The following RFC3 variants were observed in gnomAD, a reference collection of about 807,000 sequenced individuals.
RFC3 encodes the protein replication factor C subunit 3, also known as A1 38 kDa subunit.
A neutral mutation model predicts 45.1 loss-of-function variants in RFC3; 41 were observed. That is an observed-to-expected ratio of 0.91 (90% CI 0.71 to 1.18). The LOEUF (loss-of-function observed/expected upper bound fraction) is 1.18, where lower values mean the gene tolerates loss of function less well. Among genes scored for constraint, RFC3 ranks in the 50% most tolerant of loss-of-function variants. The pLI is 0.00. For synonymous variants in RFC3, 149 were observed against 144.0 expected (o/e 1.03, Z -0.25); for missense variants, 423 against 428.1 (o/e 0.99, Z 0.10).
chr13:33,865,022 A>C (rs886215070), intron 8 of RFC3, among the ~76,000 whole-genome samples: 2 of 152,180 alleles, frequency 1.3e-5, no homozygotes, highest in African/African-American at 4.8e-5. Context: ...AAGAAGAAAG[A>C]GAACAAAATT....
Position 33,925,033 on chromosome 13 carries a change from T to C in RFC3, c.880-41054T>C, listed in dbSNP as rs138037547. On this transcript the variant is annotated intron_variant, in intron 8 of 8. Transcript: ENST00000434425. The stretch of plus-strand genomic sequence containing the variant: ...GTAATCATTTCACTATATATATACA[T>C]ATATATAGTGTACATATATATATAC... Among the ~76,000 whole-genome samples the C allele has an allele frequency of 9.9e-3, 1,475 of 149,430 alleles. 48 individuals are homozygous for C. The East Asian group carries it at 0.11, about 11-fold the overall frequency.
intron 8 of RFC3, among the ~76,000 whole-genome samples, chr13:33,963,975 C>T (rs989796413): frequency 1.4e-4 from 21 of 152,068 alleles, no homozygotes; most frequent in African/African-American, 4.6e-4. Context: ...TGTCCTCTGC[C>T]CTCCGCCTTC....
intron 8 of RFC3, among the ~76,000 whole-genome samples, chr13:33,878,739 C>G (rs182178028): frequency 2.0e-5 from 3 of 152,230 alleles, no homozygotes; most frequent in Admixed American, 2.0e-4. Context: ...AAAAACTGAC[C>G]AAGAAATTGT....
chr13:33,942,323 TA>T (rs983132917), intron 8 of RFC3, among the ~76,000 whole-genome samples: 18 of 152,160 alleles, frequency 1.2e-4, no homozygotes, highest in African/African-American at 4.1e-4. Flanking sequence ...TATTAATTTT[TA>T]TTTTTAATTC....
At chr13:33,883,204 G>A (rs1052893526) in intron 8 of RFC3, among the ~76,000 whole-genome samples, 9 of 152,286 alleles carry the variant, frequency 5.9e-5, no homozygotes, top group African/African-American at 2.2e-4. Flanking sequence ...ATCTTAAAAT[G>A]ACCCTGCAAA....
intron 8 of RFC3, among the ~76,000 whole-genome samples, chr13:33,928,923 G>T (rs1175622402): frequency 6.6e-6 from 1 of 152,078 alleles, no homozygotes; most frequent in African/African-American, 2.4e-5. Context: ...CCCACCTTTG[G>T]CCCTGATCTG....
chr13:33,850,996 A>C (rs2082273067), intron 8 of RFC3, among the ~76,000 whole-genome samples: 1 of 152,188 alleles, frequency 6.6e-6, no homozygotes, highest in Admixed American at 6.6e-5. Context: ...ATAAAACTTA[A>C]ATTTACTAAT....
In RFC3 at chr13:33,818,183, G is replaced by T. The variant is rs769916582; in HGVS notation, c.5G>T (p.Ser2Ile). The T allele has an allele frequency of 1.1e-5, 18 of 1,613,188 alleles. No individual in the cohort carries two copies. The Admixed American group carries it at 2.0e-4, about 18-fold the overall frequency. Residue 2 changes from serine to isoleucine, a missense_variant, in exon 1 of 9, where the codon AGC becomes ATC. By Grantham distance (142) the Ser-to-Ile change is moderately radical. Transcript: ENST00000380071. The part of the protein sequence containing the change: M[S>I]LWVDKYRPCS... Reference sequence around the variant, plus strand: ...CCCCCGGGAACTCGAGCTGCCATGAGCCTCTGGGTGGACAAGTATCGGCCC... The same window carrying T: ...CCCCCGGGAACTCGAGCTGCCATGATCCTCTGGGTGGACAAGTATCGGCCC...
intron 2 of RFC3, among the ~76,000 whole-genome samples, chr13:33,823,247 GTATTA>G (rs2082019712): frequency 6.6e-6 from 1 of 152,082 alleles, no homozygotes; most frequent in Non-Finnish European, 1.5e-5. Flanking sequence ...ACACACACAT[GTATTA>G]TATTAAAGTT....
rs866757557 is a variant in RFC3, at chr13:33,944,762, A to C, written c.880-21325A>C. On this transcript the variant is annotated intron_variant, in intron 8 of 8. Transcript: ENST00000434425. Reference sequence around the variant, plus strand: ...TGTATTGCCCCACCCACACGCACACACTCAAATTTCCACATATTCCTTTCT... The same window carrying C: ...TGTATTGCCCCACCCACACGCACACCCTCAAATTTCCACATATTCCTTTCT... 6.6e-5 allele frequency among the ~76,000 whole-genome samples: 10 copies of C among 152,214 alleles called. No homozygotes were observed. In the South Asian group the frequency reaches 1.0e-3, roughly 16 times the overall value.
chr13:33,825,474 TATTA>T (rs946213789), intron 3 of RFC3, among the ~76,000 whole-genome samples: 2 of 152,180 alleles, frequency 1.3e-5, no homozygotes, highest in African/African-American at 4.8e-5. Context: ...TATAATTAGG[TATTA>T]ATTTTCTATA....
exon 9 of RFC3, chr13:33,966,402 A>T: frequency 2.2e-6 from 1 of 460,804 alleles, no homozygotes; most frequent in Non-Finnish European, 3.9e-6. Context: ...TCTTTCTCAG[A>T]GGACAATAAA....
intron 8 of RFC3, among the ~76,000 whole-genome samples, chr13:33,891,744 T>C (rs1176688660): frequency 6.6e-6 from 1 of 152,204 alleles, no homozygotes; most frequent in East Asian, 1.9e-4. Flanking sequence ...CCAGATGCTC[T>C]ACTTCTACAA....
chr13:33,836,269 G>A lies in RFC3; in HGVS notation c.1045G>A (p.Asp349Asn), dbSNP rs1384393507. ...FMALYKKFMEDGLEGMMF is the reference protein window; with the variant it reads ...FMALYKKFMENGLEGMMF ...GGCACTTTATAAGAAGTTCATGGAG[G>A]ATGGATTGGAAGGCATGATGTTCTG... Residue 349 changes from aspartate to asparagine, a missense_variant, in exon 9 of 9, where the codon GAT (aspartate) becomes AAT (asparagine). Physicochemically the swap from Asp to Asn is conservative, Grantham distance 23. Coordinates refer to ENST00000380071, the MANE Select transcript of RFC3 (RefSeq NM_002915.4). The A allele has an allele frequency of 1.2e-6, 2 of 1,613,110 alleles. No homozygotes were observed. The highest frequency in any genetic ancestry group is 2.2e-5 in the South Asian group (2 of 91,026).
At chr13:33,934,431 G>T (rs1022869983) in intron 8 of RFC3, among the ~76,000 whole-genome samples, 2 of 152,084 alleles carry the variant, frequency 1.3e-5, no homozygotes, top group African/African-American at 4.8e-5. Context: ...ACTGCAACTG[G>T]AACTAAAAAG....
At chr13:33,848,904 C>T (rs141505018) in intron 8 of RFC3, 1 of 152,300 alleles carries the variant, frequency 6.6e-6, no homozygotes, top group Admixed American at 6.5e-5. Context: ...TCTATCCATT[C>T]ATTTGTTCAG....
At chr13:33,940,997 CAAG>C (rs1037400289) in intron 8 of RFC3, among the ~76,000 whole-genome samples, 2 of 152,252 alleles carry the variant, frequency 1.3e-5, no homozygotes, top group African/African-American at 2.4e-5. Flanking sequence ...ACCCAACCCA[CAAG>C]TGTTTACATC....
At chr13:33,835,452 A>G (rs562496894) in intron 8 of RFC3, 42 of 684,282 alleles carry the variant, frequency 6.1e-5, no homozygotes, top group Middle Eastern at 5.0e-4. Flanking sequence ...AGGAGAACAA[A>G]TAAAGAAGAG....
At chr13:33,842,308 A>G (rs1157965450), downstream of RFC3, among the ~76,000 whole-genome samples, 7 of 152,096 alleles carry the variant, frequency 4.6e-5, no homozygotes, top group Admixed American at 4.6e-4. Flanking sequence ...AAAAAAGAAA[A>G]ATCCAGAAAT....
Sources: gnomAD v4.1 joint callset for allele counts (sites outside exome capture counted in the v4.1 genomes callset) on GRCh38, gnomAD v4.1.1 for gene constraint, MANE v1.5 for transcripts, NCBI Gene and HGNC (gene_info 2026-07-23, HGNC 2026-07-21) for gene names.